The following PAN3 variants were observed in gnomAD, a reference collection of about 807,000 sequenced individuals.
The protein encoded by PAN3 is PAN2-PAN3 deadenylation complex subunit PAN3.
In PAN3, 19 loss-of-function variants were observed where a neutral mutation model predicts 96.2. The ratio of observed to expected loss-of-function variants is 0.20; its 90% CI spans 0.14 to 0.29. PAN3 has a LOEUF of 0.29. Ranked by LOEUF, PAN3 falls within the 10% of genes least tolerant of loss-of-function variation. The pLI, the probability that PAN3 is intolerant of heterozygous loss-of-function variation, is 1.00. For missense variants in PAN3, 882 were observed against 1,108.1 expected (o/e 0.80, Z 2.90); for synonymous variants, 433 against 406.6 (o/e 1.06, Z -0.78).
rs569313016 is a variant in PAN3 at position 28,271,888 on chromosome 13, C to G, written c.1959-93C>G. On this transcript the variant is annotated intron_variant, in intron 13 of 18. Transcript: ENST00000380958. ...AGTTAAACTCAATTCTGAGATCCTT[C>G]CTAATATTTTGGGAAATGTTACTTT... 9 of 787,882 alleles carry G rather than the reference C, an allele frequency of 1.1e-5. No individual in the cohort carries two copies. In the African/African-American group the frequency reaches 1.6e-4, roughly 14 times the overall value. The allele number at this position is 787,882 out of a possible 1,614,324, so 48.8% of individuals were successfully genotyped here. A position where few individuals can be genotyped will look rare whatever the true frequency, so the allele number is the denominator to read the frequency against.
intron 6 of PAN3, among the ~76,000 whole-genome samples, chr13:28,244,072 G>A (rs547263891): frequency 5.1e-4 from 77 of 152,138 alleles, no homozygotes; most frequent in African/African-American, 1.9e-3. Context: ...TATGTTCGAG[G>A]CATTTTTCTT....
rs1265117119 is a variant in PAN3 at position 28,277,377 on chromosome 13, G to A, written c.2189+1G>A. 1 of 1,608,180 alleles carries A rather than the reference G, an allele frequency of 6.2e-7. No individual in the cohort carries two copies. Among genetic ancestry groups the A allele is most frequent in the Non-Finnish European group, 8.5e-7 (1 of 1,177,684 alleles). On this transcript the variant is annotated splice_donor_variant, in intron 15 of 18. Transcript: ENST00000380958. LOFTEE classifies it high-confidence loss of function. Reference sequence around the variant, plus strand: ...CCTCTGACCTGAAGAATCTGATTTTGTAAGTTTTAATATATGATAAATTGT... The same window carrying A: ...CCTCTGACCTGAAGAATCTGATTTTATAAGTTTTAATATATGATAAATTGT...
intron 5 of PAN3, chr13:28,215,574 G>A: frequency 1.3e-6 from 1 of 753,018 alleles, no homozygotes; most frequent in African/African-American, 1.7e-5. Flanking sequence ...AATCAGTGCT[G>A]TCTATGCCCT....
intron 6 of PAN3, among the ~76,000 whole-genome samples, chr13:28,236,026 T>A (rs947712945): frequency 1.3e-5 from 2 of 152,068 alleles, no homozygotes; most frequent in Non-Finnish European, 2.9e-5. Flanking sequence ...ACCCCGTGCA[T>A]GGCCTTCATG....
intron 17 of PAN3, among the ~76,000 whole-genome samples, chr13:28,286,553 G>C (rs1030754368): frequency 8.5e-5 from 13 of 152,064 alleles, no homozygotes; most frequent in Admixed American, 4.6e-4. Context: ...ATTCCTGTGG[G>C]CACCCTCTTC....
At chr13:28,277,090 A>G (rs1887126633) in intron 14 of PAN3, 147 bp from the exon 15 acceptor site, 2 of 769,994 alleles carry the variant, frequency 2.6e-6, no homozygotes, top group Admixed American at 3.4e-5. Context: ...AATAAGCTCC[A>G]GGTTATTCTG....
chr13:28,141,740 G>T (rs1358875166), intron 1 of PAN3, among the ~76,000 whole-genome samples: 1 of 152,010 alleles, frequency 6.6e-6, no homozygotes, highest in Admixed American at 6.6e-5. Flanking sequence ...GATTACTGGC[G>T]GGAGCCACCG....
intron 5 of PAN3, among the ~76,000 whole-genome samples, chr13:28,206,078 G>A (rs1475021098): frequency 6.6e-6 from 1 of 151,836 alleles, no homozygotes. Flanking sequence ...TAACTTATAA[G>A]CATTCCATGT....
At chr13:28,248,481 G>A (rs532614025) in intron 6 of PAN3, among the ~76,000 whole-genome samples, 94 of 151,776 alleles carry the variant, frequency 6.2e-4, no homozygotes, top group African/African-American at 2.2e-3. Context: ...TGATGAAAAT[G>A]GGCATCTTTG....
In PAN3 at chr13:28,172,973, T is replaced by G. The variant is rs986711232; in HGVS notation, c.431-1299T>G. Among the ~76,000 whole-genome samples the G allele has an allele frequency of 5.3e-5, 8 of 152,330 alleles. No individual in the cohort carries two copies. In the East Asian group the frequency reaches 5.8e-4, roughly 11 times the overall value. On this transcript the variant is annotated intron_variant, in intron 1 of 18. Transcript: ENST00000380958. ...ATAGATTCAAGTTGCCCTCAATATA[T>G]CCTCTGATTAGCAGTAGTGGATTTT... is the stretch of plus-strand genomic sequence containing the variant.
At chr13:28,257,707 A>T (rs981704907) in intron 7 of PAN3, among the ~76,000 whole-genome samples, 1 of 139,944 alleles carries the variant, frequency 7.1e-6, no homozygotes, top group Non-Finnish European at 1.5e-5. Flanking sequence ...TATTATATAT[A>T]TTATATATAA....
At chr13:28,210,535 C>T (rs1879905786) in intron 5 of PAN3, among the ~76,000 whole-genome samples, 1 of 152,006 alleles carries the variant, frequency 6.6e-6, no homozygotes, top group African/African-American at 2.4e-5. Context: ...TAGTTTGCTT[C>T]AGAAAGTTTA....
In PAN3 at chr13:28,210,754, C is replaced by CA. The variant is rs940476830; in HGVS notation, c.853-9469dup. On this transcript the variant is annotated intron_variant, in intron 5 of 18. Coordinates refer to ENST00000380958, the MANE Select transcript of PAN3 (RefSeq NM_175854.8). ...ATAACAATTCATTAAATAACAACAA[C>CA]AAAAAAAACCTTATGTGAACCTGGG... Among the ~76,000 whole-genome samples, 6 of 151,478 alleles carry CA rather than the reference C, an allele frequency of 4.0e-5. No individual in the cohort carries two copies. In the East Asian group the frequency reaches 7.7e-4, roughly 20 times the overall value.
intron 1 of PAN3, among the ~76,000 whole-genome samples, chr13:28,144,217 T>G (rs1001690645): frequency 1.9e-3 from 271 of 140,790 alleles, no homozygotes; most frequent in African/African-American, 6.4e-3. Flanking sequence ...TTTTGTTTTT[T>G]TTTTTTTTTT....
intron 7 of PAN3, among the ~76,000 whole-genome samples, chr13:28,259,315 T>G (rs570215776): frequency 5.9e-5 from 9 of 151,468 alleles, no homozygotes; most frequent in African/African-American, 1.5e-4. Flanking sequence ...TTTTGTTGTT[T>G]TTTTTTTTGA....
intron 7 of PAN3, among the ~76,000 whole-genome samples, chr13:28,258,186 A>G (rs569300239): frequency 5.3e-5 from 8 of 152,324 alleles, no homozygotes; most frequent in Non-Finnish European, 1.2e-4. Context: ...CTGCAGACAC[A>G]GGCTAAAGGA....
intron 1 of PAN3, among the ~76,000 whole-genome samples, chr13:28,145,000 G>A (rs1184819357): frequency 6.6e-6 from 1 of 152,032 alleles, no homozygotes; most frequent in African/African-American, 2.4e-5. Flanking sequence ...CTACAGGCGT[G>A]AGCCACCGCG....
chr13:28,183,446 T>C (rs1876060548), intron 4 of PAN3, among the ~76,000 whole-genome samples: 1 of 152,174 alleles, frequency 6.6e-6, no homozygotes, highest in Non-Finnish European at 1.5e-5. Flanking sequence ...TCACCTCCGC[T>C]TGTCAAGATG....
intron 1 of PAN3, among the ~76,000 whole-genome samples, chr13:28,153,705 A>G (rs556078589): frequency 6.6e-4 from 100 of 152,320 alleles, no homozygotes; most frequent in African/African-American, 2.0e-3. Context: ...AAGATAACTA[A>G]CATACACACG....
Sources: gnomAD v4.1 joint callset for allele counts (sites outside exome capture counted in the v4.1 genomes callset) on GRCh38, gnomAD v4.1.1 for gene constraint, MANE v1.5 for transcripts, NCBI Gene and HGNC (gene_info 2026-07-23, HGNC 2026-07-21) for gene names.